TP73: variants seen among roughly 807,000 people sequenced by gnomAD.
The protein encoded by TP73 is p53-like transcription factor.
A neutral mutation model predicts 62.5 loss-of-function variants in TP73; 25 were observed. The observed-to-expected ratio is 0.40, with a 90% CI of 0.29 to 0.56. The LOEUF (loss-of-function observed/expected upper bound fraction) is 0.56, where lower values mean the gene tolerates loss of function less well. Ranked by LOEUF, TP73 falls within the 20% of genes least tolerant of loss-of-function variation. The probability of loss-of-function intolerance (pLI) is 0.46; values close to 1 mark genes in which losing one functional copy is unlikely to be tolerated. For synonymous variants in TP73, 423 were observed against 377.5 expected (o/e 1.12, Z -1.40); for missense variants, 754 against 913.3 (o/e 0.83, Z 2.25).
rs113052029 is a variant in TP73 at position 3,700,730 on chromosome 1, G to A, written c.187-6819G>A. ...CAGGAGGTGGAAGTTGCAGTGAGCC[G>A]AGATCCCACCACTGCACTCCAGCCT... On this transcript the variant is annotated intron_variant, in intron 3 of 13. Coordinates refer to ENST00000378295, the MANE Select transcript of TP73 (RefSeq NM_005427.4). Among the ~76,000 whole-genome samples the A allele has an allele frequency of 2.1e-3, 314 of 151,670 alleles. 3 individuals carry two copies. The highest frequency in any genetic ancestry group is 7.0e-3 in the African/African-American group (290 of 41,328).
At chr1:3,682,546 C>A in intron 2 of TP73, 116 bp downstream of exon 2, 1 of 1,055,698 alleles carries the variant, frequency 9.5e-7, no homozygotes, top group Non-Finnish European at 1.3e-6. Flanking sequence ...CCCGGGAGGA[C>A]TCTGGGCTAG....
At chr1:3,655,317 G>A (rs546763331) in intron 1 of TP73, among the ~76,000 whole-genome samples, 2 of 152,232 alleles carry the variant, frequency 1.3e-5, no homozygotes, top group East Asian at 1.9e-4. Context: ...AACTTGGGAG[G>A]CAGAGGTTGC....
rs115668288 is a variant in TP73 at position 3,732,734 on chromosome 1, C to T, written c.1579-13C>T. ...CCACTGCCCCCTGCCCCTAATGCGCCGGCCTCTCGCAGGACCTGGGGGCCC... is the reference window on the plus strand; with the variant it reads ...CCACTGCCCCCTGCCCCTAATGCGCTGGCCTCTCGCAGGACCTGGGGGCCC... On this transcript the variant is annotated splice_polypyrimidine_tract_variant and intron_variant, in intron 13 of 13. Transcript: ENST00000378295. The T allele has an allele frequency of 3.6e-3, 5,602 of 1,553,240 alleles. 174 individuals are homozygous for T. In the African/African-American group the frequency reaches 0.067, roughly 19 times the overall value.
intron 11 of TP73, 32 bp downstream of exon 11, chr1:3,730,180 C>G (rs1229959270): frequency 1.3e-6 from 2 of 1,497,568 alleles, no homozygotes; most frequent in Admixed American, 2.1e-5. Flanking sequence ...GGCCCACGGG[C>G]AGGGCGGGGA....
At chr1:3,664,262 T>C (rs1443936001) in intron 1 of TP73, among the ~76,000 whole-genome samples, 1 of 152,130 alleles carries the variant, frequency 6.6e-6, no homozygotes, top group Non-Finnish European at 1.5e-5. Flanking sequence ...AGGCGCTGCA[T>C]TGGATAGGAA....
intron 3 of TP73, among the ~76,000 whole-genome samples, chr1:3,702,076 C>A (rs1043813165): frequency 6.6e-6 from 1 of 152,240 alleles, no homozygotes; most frequent in Non-Finnish European, 1.5e-5. Context: ...CTGGCCACCA[C>A]TTCCTGCCCA....
intron 3 of TP73, among the ~76,000 whole-genome samples, chr1:3,689,322 C>T (rs113722874): frequency 4.1e-4 from 63 of 152,346 alleles, no homozygotes; most frequent in Non-Finnish European, 6.8e-4. Context: ...TTTTCTCAGT[C>T]GTCTCCTCCT....
intron 1 of TP73, among the ~76,000 whole-genome samples, chr1:3,667,415 G>A (rs775756570): frequency 2.0e-5 from 3 of 152,224 alleles, no homozygotes; most frequent in Admixed American, 6.5e-5. Context: ...CAGACAGTGC[G>A]CACATCCGCA....
chr1:3,662,919 G>A lies in TP73; in HGVS notation c.-34+10278G>A, dbSNP rs565467237. 3.8e-4 allele frequency among the ~76,000 whole-genome samples: 58 copies of A among 152,228 alleles called. No homozygotes were observed. Among genetic ancestry groups the A allele is most frequent in the Non-Finnish European group, 6.9e-4 (47 of 68,038 alleles). ...GCTCCGAGCGCTCTCAGAGAAAAACGAAATTCTCTTTTATAAGAGAAACTT... is the reference window on the plus strand; with the variant it reads ...GCTCCGAGCGCTCTCAGAGAAAAACAAAATTCTCTTTTATAAGAGAAACTT... On this transcript the variant is annotated intron_variant, in intron 1 of 13. Transcript: ENST00000378295. This position sits in a 1 kb window ranked among gnomAD's most constrained non-coding sequence, Gnocchi z 4.4.
chr1:3,688,830 G>A (rs570933152), intron 3 of TP73, among the ~76,000 whole-genome samples: 6 of 152,276 alleles, frequency 3.9e-5, no homozygotes, highest in Admixed American at 3.9e-4. Context: ...CCTGGGCATG[G>A]GTGGGGCTCG....
chr1:3,714,331 T>A (rs1035448203), intron 4 of TP73: 1 of 152,202 alleles, frequency 6.6e-6, no homozygotes, highest in African/African-American at 2.4e-5. Flanking sequence ...GACTGTCCTG[T>A]GAGCAGAGGG....
In TP73 at chr1:3,714,754, G is replaced by A. The variant is rs191451761; in HGVS notation, c.429+6963G>A. Among the ~76,000 whole-genome samples the A allele has an allele frequency of 3.7e-3, 560 of 152,368 alleles. 2 individuals are homozygous for A. Among genetic ancestry groups the A allele is most frequent in the Non-Finnish European group, 5.7e-3 (385 of 68,028 alleles). ...TTTGAACACTCTGTGTCTTCAGAGC[G>A]GAGGGGCAGCTGCTGGTGGGCATTC... On this transcript the variant is annotated intron_variant, in intron 4 of 13. Coordinates refer to ENST00000378295, the MANE Select transcript of TP73 (RefSeq NM_005427.4).
intron 4 of TP73, among the ~76,000 whole-genome samples, chr1:3,720,962 G>A (rs952239207): frequency 1.3e-5 from 2 of 152,204 alleles, no homozygotes; most frequent in Admixed American, 6.5e-5. Context: ...CTGAGTCATC[G>A]GGGGCTGGTG....
In TP73 at chr1:3,691,042, C is replaced by A. The variant is rs3819957; in HGVS notation, c.186+7862C>A. 1,394 of 1,515,474 alleles carry A rather than the reference C, an allele frequency of 9.2e-4. 18 individuals carry two copies. In the East Asian group the frequency reaches 0.03, roughly 32 times the overall value. 93.9% of individuals were successfully genotyped at this position (1,515,474 alleles called of 1,614,324 possible). A position where few individuals can be genotyped will look rare whatever the true frequency, so the allele number is the denominator to read the frequency against. ...GAGGGGCATCCTTCTGCCTGCCTTC[C>A]TGGCCTGGAGTCTGCTGCCAGTTGG... On this transcript the variant is annotated intron_variant, in intron 3 of 13. Transcript: ENST00000378295.
rs1202971969 is a variant in TP73, at chr1:3,736,045, G to A, written c.*2966G>A. On this transcript the variant is annotated 3_prime_UTR_variant, in exon 14 of 14. Coordinates refer to ENST00000378295, the MANE Select transcript of TP73 (RefSeq NM_005427.4). ...ACGAAATCCCATCCGTGTTTTTCGT[G>A]TAAGATCGTGCTTCTCCGAGCAGTA... The A allele has an allele frequency of 1.3e-5, 2 of 152,246 alleles. No homozygotes were observed. The highest frequency in any genetic ancestry group is 4.8e-5 in the African/African-American group (2 of 41,462). The allele number at this position is 152,246 out of a possible 1,614,324, so 9.4% of individuals were successfully genotyped here.
At chr1:3,723,255 C>G in intron 5 of TP73, 99 bp from the exon 6 acceptor site, 10 of 912,562 alleles carry the variant, frequency 1.1e-5, no homozygotes. Context: ...TGGGGCTGGG[C>G]ACCCTTTGAA....
At chr1:3,703,033 C>T (rs533397740) in intron 3 of TP73, among the ~76,000 whole-genome samples, 4 of 152,314 alleles carry the variant, frequency 2.6e-5, no homozygotes, top group East Asian at 1.9e-4. Context: ...CAGAGTCCCC[C>T]GAGCCAGGTG....
At chr1:3,709,086 T>C (rs537635870) in intron 4 of TP73, among the ~76,000 whole-genome samples, 1 of 152,286 alleles carries the variant, frequency 6.6e-6, no homozygotes, top group East Asian at 1.9e-4. Flanking sequence ...AGGTAGACTG[T>C]CAGGCTCTGC....
intron 6 of TP73, among the ~76,000 whole-genome samples, chr1:3,726,575 G>C (rs1451187256): frequency 6.7e-6 from 1 of 148,988 alleles, no homozygotes; most frequent in Non-Finnish European, 1.5e-5. Flanking sequence ...TAATAAGTGG[G>C]GGAGTGGATG....
Sources: allele counts gnomAD v4.1 joint callset (sites outside exome capture counted in the v4.1 genomes callset), GRCh38; gene constraint gnomAD v4.1.1; non-coding constraint Gnocchi (gnomAD v3.1); transcripts MANE v1.5; gene names NCBI Gene and HGNC (gene_info 2026-07-23, HGNC 2026-07-21).